Variants in PDXDC1 observed in about 807,000 individuals in gnomAD.
PDXDC1 encodes pyridoxal dependent decarboxylase domain containing 1.
In PDXDC1, 42 loss-of-function variants were observed where a neutral mutation model predicts 100.1. The observed-to-expected ratio is 0.42, with a 90% CI of 0.33 to 0.54. PDXDC1 has a LOEUF of 0.54. PDXDC1 is among the 20% of genes least tolerant of loss of function. The pLI is 0.10. For synonymous variants in PDXDC1, 260 were observed against 371.7 expected (o/e 0.70, Z 3.46); for missense variants, 636 against 979.2 (o/e 0.65, Z 4.68).
At chr16:14,993,033 T>A (rs1971189068) in intron 1 of PDXDC1, among the ~76,000 whole-genome samples, 2 of 152,262 alleles carry the variant, frequency 1.3e-5, no homozygotes, top group African/African-American at 4.8e-5. Context: ...TTTCTCACTA[T>A]GTTGCCCAAG....
At chr16:15,024,040 T>C (rs1309627678) in intron 13 of PDXDC1, among the ~76,000 whole-genome samples, 1 of 152,286 alleles carries the variant, frequency 6.6e-6, no homozygotes, top group Non-Finnish European at 1.5e-5. Context: ...ACTTGGCTTT[T>C]CCTCAGTCAT....
chr16:15,092,636 G>A (rs766648808), intron 16 of PDXDC1: 15 of 1,367,480 alleles, frequency 1.1e-5, no homozygotes, highest in Non-Finnish European at 8.3e-6. Context: ...AGATTAACAA[G>A]CTATTAAGTT....
At chr16:15,147,318 G>T in the PDXDC1 span, among the ~76,000 whole-genome samples, 1 of 152,192 alleles carries the variant, frequency 6.6e-6, no homozygotes, top group East Asian at 1.9e-4. Flanking sequence ...TGGGCCCCAG[G>T]CACCCTGTGC....
intron 16 of PDXDC1, among the ~76,000 whole-genome samples, chr16:15,049,229 A>C (rs1465142294): frequency 6.6e-6 from 1 of 152,028 alleles, no homozygotes; most frequent in Non-Finnish European, 1.5e-5. Context: ...GGGCCTCCCT[A>C]TGCTGCCCAG....
At chr16:14,994,878 A>C (rs1408438936) in intron 1 of PDXDC1, among the ~76,000 whole-genome samples, 1 of 152,292 alleles carries the variant, frequency 6.6e-6, no homozygotes, top group Non-Finnish European at 1.5e-5. Context: ...TTGGATTCCT[A>C]GGTATTTTAT....
At position 15,034,481 on chromosome 16, in the gene PDXDC1, G is replaced by T. The variant is rs1471372660; in HGVS notation, c.1930G>T (p.Val644Leu). The part of the protein sequence containing the change: ...EEGVLRQIPV[V>L]GSVLNWFSPV... ...GGGGGTGTTGCGGCAGATCCCTGTAGTGGGCTCCGTGCTGAATTGGTTTTC... is the reference window on the plus strand; with the variant it reads ...GGGGGTGTTGCGGCAGATCCCTGTATTGGGCTCCGTGCTGAATTGGTTTTC... The change falls in exon 21 of 23, where the codon GTG (valine) becomes TTG (leucine). Residue 644 changes from valine to leucine, a missense_variant. Val to Leu is a conservative substitution (Grantham distance 32, BLOSUM62 1). Coordinates refer to ENST00000396410, the MANE Select transcript of PDXDC1 (RefSeq NM_015027.4). 1.9e-6 allele frequency: 3 copies of T among 1,614,066 alleles called. No homozygotes were observed. The highest frequency in any genetic ancestry group is 2.5e-6 in the Non-Finnish European group (3 of 1,180,040).
chr16:15,152,032 A>G, the PDXDC1 span, among the ~76,000 whole-genome samples: 102 of 149,372 alleles, frequency 6.8e-4, 2 homozygotes, highest in Admixed American at 1.3e-3. Flanking sequence ...AGTCAGCCAC[A>G]GCTCTGCCCA....
chr16:15,083,591 A>T lies in PDXDC1; in HGVS notation c.1399+53535A>T, dbSNP rs772540494. ...TGAGAAACCACGGTGTCCTATTTTT[A>T]AAAAATTAAATCAATCCATGTTAAC... is the stretch of plus-strand genomic sequence containing the variant. On this transcript the variant is annotated intron_variant, in intron 16 of 16. Coordinates refer to the PDXDC1 transcript ENST00000535621. The T allele has an allele frequency of 5.1e-4, 813 of 1,595,450 alleles. 3 individuals are homozygous for T. The highest frequency in any genetic ancestry group is 6.6e-4 in the Non-Finnish European group (771 of 1,174,180).
chr16:15,059,943 T>G, intron 16 of PDXDC1: 1 of 184,318 alleles, frequency 5.4e-6, no homozygotes, highest in Admixed American at 6.4e-5. Flanking sequence ...TTCTCCCTCT[T>G]CAACAGCAAT....
At chr16:15,097,207 G>A (rs1835448574) in intron 16 of PDXDC1, among the ~76,000 whole-genome samples, 1 of 151,760 alleles carries the variant, frequency 6.6e-6, no homozygotes, top group African/African-American at 2.4e-5. Flanking sequence ...GTTGGAAGCT[G>A]CAGTGAGCTA....
At chr16:15,071,067 A>G (rs1318192576) in intron 16 of PDXDC1, 3 of 1,503,982 alleles carry the variant, frequency 2.0e-6, no homozygotes, top group Admixed American at 1.9e-5. Context: ...AGACAATGCT[A>G]TACTCTTTTT....
At chr16:15,066,453 T>C (rs1036346949) in intron 16 of PDXDC1, among the ~76,000 whole-genome samples, 1 of 151,958 alleles carries the variant, frequency 6.6e-6, no homozygotes, top group Non-Finnish European at 1.5e-5. Flanking sequence ...GTCAACATGA[T>C]GAAACCCCAT....
chr16:15,092,622 A>G (rs2046182113), intron 16 of PDXDC1: 21 of 1,491,404 alleles, frequency 1.4e-5, no homozygotes, highest in Non-Finnish European at 1.8e-5. Flanking sequence ...ATCCTGTGGA[A>G]CCAAGATTAA....
intron 16 of PDXDC1, chr16:15,133,890 A>G: frequency 1.3e-6 from 2 of 1,484,860 alleles, no homozygotes; most frequent in Non-Finnish European, 1.8e-6. Flanking sequence ...GTTGGGGGAC[A>G]GGGGGATGGA....
chr16:15,053,667 T>C (rs1413939916), intron 16 of PDXDC1, among the ~76,000 whole-genome samples: 6 of 152,042 alleles, frequency 3.9e-5, no homozygotes, highest in African/African-American at 2.4e-5. Context: ...TCCCAGCACT[T>C]TGGGAGGCCG....
chr16:15,033,970 T>C (rs1197464192), intron 19 of PDXDC1: 12 of 475,822 alleles, frequency 2.5e-5, no homozygotes, highest in Non-Finnish European at 3.8e-5. Flanking sequence ...ACACGAGCCA[T>C]TGGACATGCG....
chr16:15,099,396 G>T (rs986339507), intron 16 of PDXDC1, among the ~76,000 whole-genome samples: 2 of 143,318 alleles, frequency 1.4e-5, no homozygotes, highest in African/African-American at 5.2e-5. Flanking sequence ...CTCCAGCCTG[G>T]GCAACAGAGC....
chr16:15,079,179 G>A (rs2151798091), intron 16 of PDXDC1, among the ~76,000 whole-genome samples: 1 of 150,726 alleles, frequency 6.6e-6, no homozygotes, highest in South Asian at 2.1e-4. Flanking sequence ...CAAAGTTGAA[G>A]GATTCCTTTC....
intron 7 of PDXDC1, chr16:15,009,319 T>A (rs534569579): frequency 1.1e-3 from 384 of 347,542 alleles, no homozygotes; most frequent in African/African-American, 6.2e-3. Context: ...TTATTTCTTT[T>A]GTCAAGGTAG....
Sources: gnomAD v4.1 joint callset for allele counts (sites outside exome capture counted in the v4.1 genomes callset) on GRCh38, gnomAD v4.1.1 for gene constraint, MANE v1.5 for transcripts, NCBI Gene and HGNC (gene_info 2026-07-23, HGNC 2026-07-21) for gene names.